The following C11orf54 variants were observed in gnomAD, a reference collection of about 807,000 sequenced individuals.
C11orf54 encodes the protein beta-keto-L-gulonate decarboxylase.
A neutral mutation model predicts 35.5 loss-of-function variants in C11orf54; 29 were observed. The ratio of observed to expected loss-of-function variants is 0.82; its 90% CI spans 0.61 to 1.11. The LOEUF is 1.11. Ranked by LOEUF, C11orf54 falls within the 50% of genes most tolerant of loss-of-function variation. The pLI is 0.00. For synonymous variants in C11orf54, 108 were observed against 121.1 expected (o/e 0.89, Z 0.71); for missense variants, 373 against 369.2 (o/e 1.01, Z -0.08).
chr11:93,758,886 C>G (rs1943307791), intron 7 of C11orf54, among the ~76,000 whole-genome samples: 1 of 152,224 alleles, frequency 6.6e-6, no homozygotes, highest in Non-Finnish European at 1.5e-5. Flanking sequence ...GGCCTGAAGG[C>G]TGGGGGCCCA....
chr11:93,752,809 C>T (rs1286522584), intron 3 of C11orf54, among the ~76,000 whole-genome samples: 3 of 134,570 alleles, frequency 2.2e-5, no homozygotes, highest in Non-Finnish European at 4.5e-5. Flanking sequence ...AGTGCAGTGG[C>T]GCGATCTCGG....
Position 93,753,760 on chromosome 11 carries a change from G to C in C11orf54, c.228+5G>C. On this transcript the variant is annotated splice_donor_5th_base_variant and intron_variant, in intron 4 of 8. Coordinates refer to ENST00000354421, the MANE Select transcript of C11orf54 (RefSeq NM_001286069.2). ...CCTCTTGTAAACCAAAAAAAAGTAA[G>C]TACTTTTACTCTGCATATTCACATG... The C allele has an allele frequency of 6.2e-7, 1 of 1,612,322 alleles. No homozygotes were observed. Among genetic ancestry groups the C allele is most frequent in the Non-Finnish European group, 8.5e-7 (1 of 1,178,684 alleles).
At chr11:93,750,038 T>G (rs1942729741) in intron 2 of C11orf54, among the ~76,000 whole-genome samples, 2 of 152,236 alleles carry the variant, frequency 1.3e-5, no homozygotes, top group Admixed American at 6.5e-5. Context: ...TTTAAATGTT[T>G]GCATTTCAGT....
At chr11:93,751,719 AT>A (rs2135613273) in intron 3 of C11orf54, among the ~76,000 whole-genome samples, 1 of 152,178 alleles carries the variant, frequency 6.6e-6, no homozygotes, top group African/African-American at 2.4e-5. Context: ...TTTTTTAAAA[AT>A]ATGAGTGTAA....
chr11:93,761,630 CAG>C lies in C11orf54; in HGVS notation c.893_894del (p.Glu298ValfsTer6), dbSNP rs1368392493. The C allele has an allele frequency of 6.2e-7, 1 of 1,612,836 alleles. No homozygotes were observed. Among genetic ancestry groups the C allele is most frequent in the African/African-American group, 1.3e-5 (1 of 74,858 alleles). The stretch of plus-strand genomic sequence containing the variant: ...GAATATCTTGGATACTTCTTACCTG[CAG>C]AGTTTCTCTATCGCATTGATCAACC... On this transcript the variant is annotated frameshift_variant, in exon 9 of 9. Coordinates refer to ENST00000354421, the MANE Select transcript of C11orf54 (RefSeq NM_001286069.2). LOFTEE classifies it high-confidence loss of function.
At chr11:93,748,092 G>A (rs1009591100) in intron 2 of C11orf54, among the ~76,000 whole-genome samples, 1 of 152,108 alleles carries the variant, frequency 6.6e-6, no homozygotes, top group Non-Finnish European at 1.5e-5. Flanking sequence ...ACCTTCGCTT[G>A]TTTCTCAAAA....
chr11:93,742,922 GT>G, intron 1 of C11orf54: 1 of 152,310 alleles, frequency 6.6e-6, no homozygotes, highest in Non-Finnish European at 1.5e-5. Context: ...AAGGGGAAAA[GT>G]GCTATTAAAG....
chr11:93,747,469 G>C, intron 2 of C11orf54, 21 bp downstream of exon 2: 2 of 1,562,686 alleles, frequency 1.3e-6, no homozygotes, highest in African/African-American at 1.4e-5. Flanking sequence ...TATTAACTTT[G>C]GATTTTTAAA....
At chr11:93,745,256 C>T (rs952808952) in intron 1 of C11orf54, among the ~76,000 whole-genome samples, 2 of 152,094 alleles carry the variant, frequency 1.3e-5, no homozygotes, top group African/African-American at 2.4e-5. Context: ...GGCTGGGGGA[C>T]GGTTAGGTCT....
intron 8 of C11orf54, among the ~76,000 whole-genome samples, chr11:93,760,596 C>T (rs1002287437): frequency 3.3e-5 from 5 of 152,208 alleles, no homozygotes; most frequent in Admixed American, 6.5e-5. Context: ...TAATACTATA[C>T]GCTAGAAAAA....
intron 2 of C11orf54, among the ~76,000 whole-genome samples, chr11:93,749,545 GATGGCT>G (rs1037747332): frequency 2.0e-5 from 3 of 150,638 alleles, no homozygotes; most frequent in African/African-American, 7.3e-5. Context: ...GGCTAGGTGT[GATGGCT>G]CATTGTAATC....
At position 93,763,912 on chromosome 11, in the gene C11orf54, T is replaced by C. The variant is rs546508394; in HGVS notation, c.*2224T>C. On this transcript the variant is annotated 3_prime_UTR_variant, in exon 9 of 9. Transcript: ENST00000354421. ...GACTGACTTGGAGTTTTTTGGTGGT[T>C]AGGGAGTAGGGCCAGAGTGATGTTT... 1.3e-5 allele frequency: 2 copies of C among 152,342 alleles called. No homozygotes were observed. Among genetic ancestry groups the C allele is most frequent in the South Asian group, 4.1e-4 (2 of 4,824 alleles). The allele number at this position is 152,342 out of a possible 1,614,324, so 9.4% of individuals were successfully genotyped here. A position where few individuals can be genotyped will look rare whatever the true frequency, so the allele number is the denominator to read the frequency against.
chr11:93,745,934 A>G (rs1299146509), intron 1 of C11orf54: 1 of 152,482 alleles, frequency 6.6e-6, no homozygotes, highest in Non-Finnish European at 1.5e-5. Flanking sequence ...GTGAGCCGAG[A>G]TCATGCCATT....
At chr11:93,748,321 T>C (rs1413936531) in intron 2 of C11orf54, among the ~76,000 whole-genome samples, 1 of 152,160 alleles carries the variant, frequency 6.6e-6, no homozygotes, top group East Asian at 1.9e-4. Context: ...TTTTTCTTTT[T>C]TCTTTTTGTA....
At position 93,759,821 on chromosome 11, in the gene C11orf54, CT is replaced by C; in HGVS notation, c.740del (p.Leu247TrpfsTer41). The C allele has an allele frequency of 1.2e-6, 2 of 1,609,728 alleles. No homozygotes were observed. The highest frequency in any genetic ancestry group is 2.2e-5 in the South Asian group (2 of 90,576). On this transcript the variant is annotated frameshift_variant, in exon 8 of 9. Coordinates refer to ENST00000354421, the MANE Select transcript of C11orf54 (RefSeq NM_001286069.2). LOFTEE classifies it high-confidence loss of function. ...KWLHFYEMKAPLVCLPVFVSR... is the reference protein window; with the variant it reads ...KWLHFYEMKAXLVCLPVFVSR... ...TTGCATTTTTATGAAATGAAAGCTC[CT>C]TTGGTTTGTCTACCAGTTTTTGTCT...
rs373025928 is a variant in C11orf54 at position 93,753,983 on chromosome 11, C to A, written c.276C>A (p.Ala92=). Residue 92 remains alanine, a synonymous_variant, in exon 5 of 9, where the codon GCC becomes GCA. Transcript: ENST00000354421. ...CAAAAGAAATCAAGCTGCCTGGAGCCTTTATTCTTGGAGCAGGAGCAGGTC... is the reference window on the plus strand; with the variant it reads ...CAAAAGAAATCAAGCTGCCTGGAGCATTTATTCTTGGAGCAGGAGCAGGTC... ...KIAKEIKLPG[A]FILGAGAGPF... 1 of 1,614,046 alleles carries A rather than the reference C, an allele frequency of 6.2e-7. No homozygotes were observed. The highest frequency in any genetic ancestry group is 1.1e-5 in the South Asian group (1 of 91,082).
intron 3 of C11orf54, 113 bp downstream of exon 3, chr11:93,750,557 AT>A: frequency 1.2e-6 from 1 of 830,412 alleles, no homozygotes; most frequent in Non-Finnish European, 1.9e-6. Flanking sequence ...TTGTCACAAC[AT>A]TTAGGCTAAA....
chr11:93,743,739 G>A (rs1942293884), intron 1 of C11orf54, among the ~76,000 whole-genome samples: 1 of 152,200 alleles, frequency 6.6e-6, no homozygotes, highest in African/African-American at 2.4e-5. Flanking sequence ...GTCTAACGGT[G>A]TCTGGTATAT....
At position 93,761,964 on chromosome 11, in the gene C11orf54, T is replaced by G. The variant is rs1215164150; in HGVS notation, c.*276T>G. ...CTACTTAAATCCCATTTTTTTCACT[T>G]CATATGAAAGAACATATTGATAGTA... On this transcript the variant is annotated 3_prime_UTR_variant, in exon 9 of 9. Coordinates refer to ENST00000354421, the MANE Select transcript of C11orf54 (RefSeq NM_001286069.2). The G allele has an allele frequency of 9.8e-6, 2 of 204,562 alleles. No homozygotes were observed. The highest frequency in any genetic ancestry group is 4.6e-5 in the African/African-American group (2 of 43,508). 12.7% of individuals were successfully genotyped at this position (204,562 alleles called of 1,614,324 possible).
Sources: gnomAD v4.1 joint callset for allele counts (sites outside exome capture counted in the v4.1 genomes callset) on GRCh38, gnomAD v4.1.1 for gene constraint, MANE v1.5 for transcripts, NCBI Gene and HGNC (gene_info 2026-07-23, HGNC 2026-07-21) for gene names.